KIF18A: variants seen among roughly 807,000 people sequenced by gnomAD.
KIF18A encodes the protein kinesin-like protein KIF18A.
KIF18A carries 67 observed loss-of-function variants against 103.3 expected under a neutral mutation model. That is an observed-to-expected ratio of 0.65 (90% CI 0.53 to 0.79). The LOEUF is 0.79. KIF18A is among the 30% of genes least tolerant of loss of function. KIF18A has a pLI of 0.00. For missense variants in KIF18A, 1,032 were observed against 1,062.5 expected (o/e 0.97, Z 0.40); for synonymous variants, 367 against 355.5 (o/e 1.03, Z -0.36).
chr11:28,052,860 T>C (rs1850728026), intron 13 of KIF18A, among the ~76,000 whole-genome samples: 1 of 152,006 alleles, frequency 6.6e-6, no homozygotes, highest in African/African-American at 2.4e-5. Flanking sequence ...GTAACGATTG[T>C]TACTAAAGAT....
intron 13 of KIF18A, among the ~76,000 whole-genome samples, chr11:28,053,540 C>T (rs1850738486): frequency 6.6e-6 from 1 of 151,808 alleles, no homozygotes; most frequent in Non-Finnish European, 1.5e-5. Flanking sequence ...TTTTAGGGTA[C>T]ATGTGCACAA....
At chr11:28,084,601 T>C in intron 7 of KIF18A, 31 bp downstream of exon 7, 1 of 1,526,366 alleles carries the variant, frequency 6.6e-7, no homozygotes, top group Non-Finnish European at 9.0e-7. Context: ...AGACAATACC[T>C]TCACAACAAA....
At chr11:28,044,573 C>T (rs1850605331) in intron 13 of KIF18A, among the ~76,000 whole-genome samples, 1 of 151,974 alleles carries the variant, frequency 6.6e-6, no homozygotes, top group Non-Finnish European at 1.5e-5. Flanking sequence ...TTCATCTGTT[C>T]CTGCATTATG....
intron 13 of KIF18A, among the ~76,000 whole-genome samples, chr11:28,050,238 T>C (rs1003478967): frequency 1.3e-4 from 20 of 151,878 alleles, no homozygotes; most frequent in Non-Finnish European, 1.5e-5. Flanking sequence ...TAATTCACAG[T>C]AATATTTGCA....
At chr11:28,062,328 G>C in intron 12 of KIF18A, 67 bp downstream of exon 12, 1 of 1,414,482 alleles carries the variant, frequency 7.1e-7, no homozygotes. Flanking sequence ...TCTGGCAGTG[G>C]AAAATTGAAC....
At chr11:28,103,891 G>A (rs1239892256) in intron 1 of KIF18A, among the ~76,000 whole-genome samples, 2 of 152,086 alleles carry the variant, frequency 1.3e-5, no homozygotes, top group East Asian at 3.8e-4. Flanking sequence ...TAAAGAAATG[G>A]CAAGATCATG....
chr11:28,077,427 G>C (rs1184053393), intron 9 of KIF18A, among the ~76,000 whole-genome samples: 1 of 152,156 alleles, frequency 6.6e-6, no homozygotes, highest in Admixed American at 6.5e-5. Context: ...GGCATCATAA[G>C]GTGTCTGGTA....
rs550568943 is a variant in KIF18A, at chr11:28,081,416, T to C, written c.1262+1440A>G. Among the ~76,000 whole-genome samples the C allele has an allele frequency of 2.6e-5, 4 of 152,278 alleles. No individual in the cohort carries two copies. The South Asian group carries it at 6.2e-4, about 24-fold the overall frequency. On this transcript the variant is annotated intron_variant, in intron 9 of 16. Coordinates refer to ENST00000263181, the MANE Select transcript of KIF18A (RefSeq NM_031217.4). ...GACTTTAAGTTGAAGTCGATGTTCA[T>C]TTACCATTTACAAACATCCTAGGGC...
chr11:28,026,463 C>G (rs565219541), intron 15 of KIF18A, among the ~76,000 whole-genome samples: 5 of 151,726 alleles, frequency 3.3e-5, no homozygotes, highest in Admixed American at 2.0e-4. Context: ...TCTCTTTTAA[C>G]CTTAGTTAAT....
chr11:28,072,746 G>C (rs1411148118), intron 10 of KIF18A, among the ~76,000 whole-genome samples: 1 of 141,232 alleles, frequency 7.1e-6, no homozygotes, highest in East Asian at 2.1e-4. Context: ...CTACTGTGCA[G>C]AAAAATAAGG....
chr11:28,030,621 G>A (rs1334867214), intron 15 of KIF18A, among the ~76,000 whole-genome samples: 2 of 152,084 alleles, frequency 1.3e-5, no homozygotes. Flanking sequence ...ATAGGCATGG[G>A]TAAGGACTTC....
At chr11:28,080,534 T>C (rs1221970140) in intron 9 of KIF18A, among the ~76,000 whole-genome samples, 1 of 152,110 alleles carries the variant, frequency 6.6e-6, no homozygotes, top group Non-Finnish European at 1.5e-5. Flanking sequence ...TCTTTGATGT[T>C]ACCATTGTAA....
At chr11:28,037,013 T>A (rs764319201) in intron 13 of KIF18A, among the ~76,000 whole-genome samples, 4 of 151,604 alleles carry the variant, frequency 2.6e-5, no homozygotes, top group African/African-American at 7.3e-5. Flanking sequence ...GGGTTTAAGA[T>A]GAAAACAGTA....
intron 11 of KIF18A, among the ~76,000 whole-genome samples, chr11:28,067,779 A>C (rs1850953535): frequency 6.6e-6 from 1 of 152,192 alleles, no homozygotes; most frequent in Non-Finnish European, 1.5e-5. Flanking sequence ...TTAGAAAAAG[A>C]CTGAAAAGAA....
At chr11:28,093,317 G>A (rs1278725647) in intron 3 of KIF18A, among the ~76,000 whole-genome samples, 1 of 151,970 alleles carries the variant, frequency 6.6e-6, no homozygotes, top group African/African-American at 2.4e-5. Flanking sequence ...TTATCTATAA[G>A]TTCTAATGAA....
At chr11:28,025,487 G>A (rs922905436) in intron 15 of KIF18A, among the ~76,000 whole-genome samples, 3 of 151,800 alleles carry the variant, frequency 2.0e-5, no homozygotes, top group African/African-American at 7.3e-5. Context: ...TATGCATTAT[G>A]GCTAGTTCCA....
At chr11:28,091,885 G>A (rs1032353507) in intron 3 of KIF18A, among the ~76,000 whole-genome samples, 3 of 151,976 alleles carry the variant, frequency 2.0e-5, no homozygotes, top group African/African-American at 7.2e-5. Context: ...GCGCAATCTC[G>A]GCTCACTGCA....
chr11:28,056,987 TA>T, intron 13 of KIF18A: 1 of 323,126 alleles, frequency 3.1e-6, no homozygotes, highest in East Asian at 1.3e-4. Context: ...TTTGACTATA[TA>T]AAAGTTAAAA....
intron 9 of KIF18A, among the ~76,000 whole-genome samples, chr11:28,079,554 C>G (rs1304753214): frequency 6.6e-6 from 1 of 152,064 alleles, no homozygotes; most frequent in African/African-American, 2.4e-5. Flanking sequence ...GAGACACTTT[C>G]TACTAATTCT....
Sources: gnomAD v4.1 joint callset for allele counts (sites outside exome capture counted in the v4.1 genomes callset) on GRCh38, gnomAD v4.1.1 for gene constraint, MANE v1.5 for transcripts, NCBI Gene and HGNC (gene_info 2026-07-23, HGNC 2026-07-21) for gene names.